BARD1: variants seen among roughly 807,000 people sequenced by gnomAD.
The protein encoded by BARD1 is BRCA1 associated RING domain 1.
In BARD1, 73 loss-of-function variants were observed where a neutral mutation model predicts 77.0. The observed-to-expected ratio is 0.95, with a 90% CI of 0.79 to 1.15. The LOEUF is 1.15. BARD1 is among the 50% of genes most tolerant of loss of function. BARD1 has a pLI of 0.00. For missense variants in BARD1, 993 were observed against 938.8 expected (o/e 1.06, Z -0.75); for synonymous variants, 384 against 338.0 (o/e 1.14, Z -1.49).
Position 214,744,585 on chromosome 2 carries a change from A to G in BARD1, c.1903+482T>C, listed in dbSNP as rs186634085. Among the ~76,000 whole-genome samples, 12 of 152,300 alleles carry G rather than the reference A, an allele frequency of 7.9e-5. No individual in the cohort carries two copies. In the East Asian group the frequency reaches 2.3e-3, roughly 29 times the overall value. ...TTAAAACCAGAACATATGTATATAC[A>G]TTTACTAAGGACATCTAAATGACAC... is the stretch of plus-strand genomic sequence containing the variant. On this transcript the variant is annotated intron_variant, in intron 9 of 10. Transcript: ENST00000260947.
chr2:214,792,835 T>C (rs1189267485), intron 2 of BARD1, among the ~76,000 whole-genome samples: 1 of 152,110 alleles, frequency 6.6e-6, no homozygotes, highest in Non-Finnish European at 1.5e-5. Context: ...GGAAAGACCT[T>C]CTGTTTTGTT....
intron 9 of BARD1, among the ~76,000 whole-genome samples, chr2:214,731,760 C>T (rs902923954): frequency 3.3e-5 from 5 of 152,148 alleles, no homozygotes; most frequent in Non-Finnish European, 5.9e-5. Flanking sequence ...TTCACCTATG[C>T]GTTCTTCAGA....
intron 6 of BARD1, among the ~76,000 whole-genome samples, chr2:214,760,083 A>C (rs1693882831): frequency 1.3e-5 from 2 of 152,158 alleles, no homozygotes; most frequent in Non-Finnish European, 2.9e-5. Flanking sequence ...CCTGGGCTAC[A>C]AAAAAAGCTC....
At position 214,752,520 on chromosome 2, in the gene BARD1, T is replaced by C. The variant is rs1574756445; in HGVS notation, c.1604A>G (p.Asp535Gly). The change falls in exon 7 of 11, where the codon GAT becomes GGT. Residue 535 changes from aspartate (D) to glycine (G), a missense_variant. Transcript: ENST00000260947. ...CAATAGCGATTTCATACTTTCATCATCTGTATAATCGACAGGCCGCAGACC... is the reference window on the plus strand; with the variant it reads ...CAATAGCGATTTCATACTTTCATCACCTGTATAATCGACAGGCCGCAGACC... ...IFGLRPVDYT[D>G]DESMKSLLLL... 6.2e-7 allele frequency: 1 copy of C among 1,613,828 alleles called. No homozygotes were observed. Among genetic ancestry groups the C allele is most frequent in the Non-Finnish European group, 8.5e-7 (1 of 1,179,798 alleles).
At position 214,728,540 on chromosome 2, in the gene BARD1, T is replaced by A; in HGVS notation, c.*136A>T. The A allele has an allele frequency of 1.3e-6, 1 of 796,714 alleles. No homozygotes were observed. Among genetic ancestry groups the A allele is most frequent in the Non-Finnish European group, 1.9e-6 (1 of 529,348 alleles). The allele number at this position is 796,714 out of a possible 1,614,324, so 49.4% of individuals were successfully genotyped here. A position where few individuals can be genotyped will look rare whatever the true frequency, so the allele number is the denominator to read the frequency against. On this transcript the variant is annotated 3_prime_UTR_variant, in exon 11 of 11. Transcript: ENST00000260947. Reference sequence around the variant, plus strand: ...GAATTCCTAATCTGGCATTAGACTTTTTTTTTTTTTTTGATTCAAAGACAA... The same window carrying A: ...GAATTCCTAATCTGGCATTAGACTTATTTTTTTTTTTTGATTCAAAGACAA...
chr2:214,766,354 T>C (rs1224557083), intron 6 of BARD1, among the ~76,000 whole-genome samples: 2 of 152,164 alleles, frequency 1.3e-5, no homozygotes, highest in East Asian at 3.8e-4. Context: ...CCTGTTGTAA[T>C]AGTAAATACA....
chr2:214,759,202 GTA>G (rs934197133), intron 6 of BARD1, among the ~76,000 whole-genome samples: 1 of 152,114 alleles, frequency 6.6e-6, no homozygotes, highest in Non-Finnish European at 1.5e-5. Flanking sequence ...AATGGTCCAT[GTA>G]ATATTTTCTA....
intron 4 of BARD1, among the ~76,000 whole-genome samples, chr2:214,776,931 C>T (rs6749828): frequency 2.6e-5 from 4 of 151,774 alleles, no homozygotes; most frequent in South Asian, 4.1e-4. Flanking sequence ...AAGAGGACCA[C>T]GAACTAAAGG....
rs2105990348 is a variant in BARD1, at chr2:214,730,402, G to C, written c.2001+9C>G. On this transcript the variant is annotated intron_variant, in intron 10 of 10. Transcript: ENST00000260947. ...AAGAACAATGAAAGTTGTATTAAAA[G>C]AAAAATACCAGCTGTTCTCTGTTGA... 1 of 1,610,040 alleles carries C rather than the reference G, an allele frequency of 6.2e-7. No homozygotes were observed. Among genetic ancestry groups the C allele is most frequent in the Non-Finnish European group, 8.5e-7 (1 of 1,176,422 alleles).
rs562710898 is a variant in BARD1 at position 214,748,355 on chromosome 2, C to T, written c.1678-2501G>A. ...AAGCATAGGTCTCTGACCCATGAGG[C>T]TCAAAAGAGGTACAAAAAACACCCC... On this transcript the variant is annotated intron_variant, in intron 7 of 10. Transcript: ENST00000260947. 2.0e-5 allele frequency among the ~76,000 whole-genome samples: 3 copies of T among 152,010 alleles called. No homozygotes were observed. In the South Asian group the frequency reaches 6.2e-4, roughly 32 times the overall value.
At chr2:214,796,845 G>C (rs867040267) in intron 2 of BARD1, 4 of 562,024 alleles carry the variant, frequency 7.1e-6, no homozygotes, top group African/African-American at 1.9e-5. Flanking sequence ...ACTAAGCTTT[G>C]TAACTTGGAC....
At chr2:214,730,083 G>A (rs1025394980) in intron 10 of BARD1, among the ~76,000 whole-genome samples, 1 of 152,168 alleles carries the variant, frequency 6.6e-6, no homozygotes, top group African/African-American at 2.4e-5. Context: ...GCTACAATAT[G>A]TGGCCATAGA....
At chr2:214,806,592 GA>G (rs1203006475) in intron 1 of BARD1, among the ~76,000 whole-genome samples, 1 of 152,136 alleles carries the variant, frequency 6.6e-6, no homozygotes. Context: ...CCCATGTAAA[GA>G]CCAGGCATGG....
At chr2:214,796,350 A>C (rs1308164169) in intron 2 of BARD1, among the ~76,000 whole-genome samples, 1 of 152,220 alleles carries the variant, frequency 6.6e-6, no homozygotes, top group Non-Finnish European at 1.5e-5. Flanking sequence ...AATTTGGAAA[A>C]AGAGGCTCTA....
rs1272351489 is a variant in BARD1, at chr2:214,727,998, G to A, written c.*678C>T. ...ATTGATAGTTACAAGCAAATGTACA[G>A]AATAAAAATATGTACCATGAGCCTA... On this transcript the variant is annotated 3_prime_UTR_variant, in exon 11 of 11. Coordinates refer to ENST00000260947, the MANE Select transcript of BARD1 (RefSeq NM_000465.4). The A allele has an allele frequency of 4.6e-6, 1 of 218,576 alleles. No individual in the cohort carries two copies. The highest frequency in any genetic ancestry group is 1.4e-3 in the Middle Eastern group (1 of 720). The allele number at this position is 218,576 out of a possible 1,614,324, so 13.5% of individuals were successfully genotyped here.
intron 6 of BARD1, among the ~76,000 whole-genome samples, chr2:214,762,465 G>GAT (rs1443685714): frequency 6.6e-6 from 1 of 152,022 alleles, no homozygotes; most frequent in African/African-American, 2.4e-5. Flanking sequence ...ACTTTACTAA[G>GAT]ATATATATAA....
chr2:214,781,353 C>T lies in BARD1; in HGVS notation c.521G>A (p.Ser174Asn), dbSNP rs1277839212. The change falls in exon 4 of 11, where the codon AGT (serine) becomes AAT (asparagine). Residue 174 changes from serine (S) to asparagine (N), a missense_variant. Coordinates refer to ENST00000260947, the MANE Select transcript of BARD1 (RefSeq NM_000465.4). ...AAATTCATATGAGTCTTGCTGAGCA[C>T]TTGCATCTTTTTTTATTGCAGGCTG... ...QTQPAIKKDA[S>N]AQQDSYEFVS... 6.2e-7 allele frequency: 1 copy of T among 1,613,736 alleles called. No individual in the cohort carries two copies. The highest frequency in any genetic ancestry group is 8.5e-7 in the Non-Finnish European group (1 of 1,179,922).
intron 1 of BARD1, 110 bp downstream of exon 1, chr2:214,809,302 T>A (rs1310240046): frequency 6.7e-7 from 1 of 1,485,630 alleles, no homozygotes. Flanking sequence ...CCGACCCGAC[T>A]GCAGCGCGGG....
At chr2:214,732,836 A>AC (rs1692415472) in intron 9 of BARD1, among the ~76,000 whole-genome samples, 1 of 152,060 alleles carries the variant, frequency 6.6e-6, no homozygotes, top group African/African-American at 2.4e-5. Flanking sequence ...CTTCTTTATT[A>AC]CCCCACACTG....
Sources: gnomAD v4.1 joint callset for allele counts (sites outside exome capture counted in the v4.1 genomes callset) on GRCh38, gnomAD v4.1.1 for gene constraint, MANE v1.5 for transcripts, NCBI Gene and HGNC (gene_info 2026-07-23, HGNC 2026-07-21) for gene names.